EHBP1: variants seen among roughly 807,000 people sequenced by gnomAD.
The protein encoded by EHBP1 is EH domain-binding protein 1.
In EHBP1, 55 loss-of-function variants were observed where a neutral mutation model predicts 144.0. The ratio of observed to expected loss-of-function variants is 0.38; its 90% confidence interval spans 0.31 to 0.48. The LOEUF (loss-of-function observed/expected upper bound fraction) is 0.48. Ranked by LOEUF, EHBP1 falls within the 20% of genes least tolerant of loss-of-function variation. The pLI is 0.98. For missense variants in EHBP1, 1,200 were observed against 1,364.2 expected (o/e 0.88, Z 1.90); for synonymous variants, 469 against 472.7 (o/e 0.99, Z 0.10).
intron 10 of EHBP1, among the ~76,000 whole-genome samples, chr2:62,901,462 G>A (rs1231561941): frequency 6.6e-6 from 1 of 152,002 alleles, no homozygotes; most frequent in Non-Finnish European, 1.5e-5. Context: ...TTGGAATTGG[G>A]AACGTTTAAA....
chr2:62,804,169 C>T (rs1399683637), intron 5 of EHBP1, among the ~76,000 whole-genome samples: 1 of 152,120 alleles, frequency 6.6e-6, no homozygotes, highest in East Asian at 1.9e-4. Context: ...ACAATTTTAT[C>T]AGAGTATGGG....
intron 10 of EHBP1, among the ~76,000 whole-genome samples, chr2:62,912,188 A>G (rs576953867): frequency 6.6e-6 from 1 of 152,290 alleles, no homozygotes; most frequent in East Asian, 1.9e-4. Flanking sequence ...GAGTCACATT[A>G]AATCCTATGT....
Position 62,979,207 on chromosome 2 carries a change from G to T in EHBP1, c.2480G>T (p.Arg827Leu). 6.2e-7 allele frequency: 1 copy of T among 1,613,194 alleles called. No individual in the cohort carries two copies. The highest frequency in any genetic ancestry group is 1.3e-5 in the African/African-American group (1 of 75,004). ...TCTTAGCAGCAAGATGAAGAGCGAC[G>T]TCGGCAGCTGAGAGAGAGAGCTCGT... is the stretch of plus-strand genomic sequence containing the variant. ...QLSDQQDEER[R>L]RQLRERARQL... The change falls in exon 15 of 23, where the codon CGT becomes CTT. Residue 827 changes from arginine (R) to leucine (L), a missense_variant. This residue lies in a region of EHBP1 where 543 missense variants were observed against 513.1 expected (regional missense o/e 1.06). Transcript: ENST00000431489.
intron 14 of EHBP1, among the ~76,000 whole-genome samples, chr2:62,961,757 AT>A (rs1456269672): frequency 2.0e-5 from 3 of 152,196 alleles, no homozygotes; most frequent in Non-Finnish European, 4.4e-5. Context: ...TACAAATAGA[AT>A]TTTAAAAAGC....
chr2:62,828,207 C>T (rs889696070), intron 6 of EHBP1, among the ~76,000 whole-genome samples: 7 of 152,022 alleles, frequency 4.6e-5, no homozygotes, highest in Admixed American at 3.3e-4. Flanking sequence ...AAGATAACGG[C>T]GTATTAAGCA....
intron 2 of EHBP1, among the ~76,000 whole-genome samples, chr2:62,744,941 A>T (rs1188036518): frequency 6.6e-6 from 1 of 152,092 alleles, no homozygotes; most frequent in Admixed American, 6.6e-5. Flanking sequence ...AAAACTGCAC[A>T]CCAGACCAAT....
chr2:62,725,695 C>T (rs539110505), intron 2 of EHBP1, among the ~76,000 whole-genome samples: 2 of 152,250 alleles, frequency 1.3e-5, no homozygotes, highest in South Asian at 4.1e-4. Context: ...ATGGACTGCA[C>T]TTTGGAGGCA....
At chr2:62,770,818 C>A (rs757370708) in intron 4 of EHBP1, among the ~76,000 whole-genome samples, 6 of 152,136 alleles carry the variant, frequency 3.9e-5, no homozygotes, top group African/African-American at 1.4e-4. Flanking sequence ...GAATACTATG[C>A]GGCCATAAAA....
At chr2:62,792,257 G>C (rs1462589138) in intron 5 of EHBP1, among the ~76,000 whole-genome samples, 1 of 151,968 alleles carries the variant, frequency 6.6e-6, no homozygotes, top group Non-Finnish European at 1.5e-5. Flanking sequence ...ACAGAATGAT[G>C]GTACTATAAC....
At chr2:62,949,793 T>C (rs980751294) in intron 13 of EHBP1, among the ~76,000 whole-genome samples, 7 of 152,188 alleles carry the variant, frequency 4.6e-5, no homozygotes, top group Non-Finnish European at 2.9e-5. Context: ...GGTTTTAACC[T>C]TTCTCTTACT....
At chr2:62,780,571 A>G (rs543081464) in intron 5 of EHBP1, among the ~76,000 whole-genome samples, 214 of 152,202 alleles carry the variant, frequency 1.4e-3, no homozygotes, top group Non-Finnish European at 2.4e-3. Context: ...CATCTCCTTT[A>G]TTCTCAAATG....
At chr2:62,972,609 G>A (rs940719515) in intron 14 of EHBP1, among the ~76,000 whole-genome samples, 1 of 151,984 alleles carries the variant, frequency 6.6e-6, no homozygotes, top group Non-Finnish European at 1.5e-5. Flanking sequence ...TTCTCAGTTG[G>A]TTTTTTGTCT....
At chr2:62,929,042 T>C (rs1009357847) in intron 10 of EHBP1, among the ~76,000 whole-genome samples, 2 of 151,998 alleles carry the variant, frequency 1.3e-5, no homozygotes, top group Admixed American at 1.3e-4. Flanking sequence ...CATGTGGAAA[T>C]AGAAAATATG....
chr2:62,861,222 C>T (rs192163792), intron 8 of EHBP1, among the ~76,000 whole-genome samples: 60 of 148,360 alleles, frequency 4.0e-4, no homozygotes, highest in African/African-American at 1.3e-3. Context: ...GTCCAACTCT[C>T]GGGTTCAAGC....
chr2:62,713,690 C>T (rs1436169658), intron 2 of EHBP1, among the ~76,000 whole-genome samples: 1 of 152,156 alleles, frequency 6.6e-6, no homozygotes, highest in East Asian at 1.9e-4. Flanking sequence ...TTCTATGTTG[C>T]AAGTTATGTG....
chr2:63,015,447 A>G (rs2060446780), intron 19 of EHBP1, among the ~76,000 whole-genome samples: 1 of 152,216 alleles, frequency 6.6e-6, no homozygotes, highest in African/African-American at 2.4e-5. Flanking sequence ...TATGGGAATT[A>G]GGATTCGTGT....
At position 62,882,670 on chromosome 2, in the gene EHBP1, G is replaced by A. The variant is rs183117627; in HGVS notation, c.1185+8138G>A. Among the ~76,000 whole-genome samples, 1,309 of 152,238 alleles carry A rather than the reference G, an allele frequency of 8.6e-3. 6 individuals are homozygous for A. The highest frequency in any genetic ancestry group is 0.014 in the Non-Finnish European group (953 of 68,016). ...GGCCGAGGCAGGCAGATCACCTGAG[G>A]TCAGGAGTTTGAGACCAGCCTGACC... On this transcript the variant is annotated intron_variant, in intron 10 of 22. Transcript: ENST00000431489.
chr2:63,045,034 C>G lies in EHBP1; in HGVS notation c.3278-32C>G. ...GGGGGCCGGGTGTTCGGAGGCCCTG[C>G]CGGTGGGTAACTAGCCTCCCGTCTT... On this transcript the variant is annotated intron_variant, in intron 21 of 22. Coordinates refer to ENST00000431489, the MANE Select transcript of EHBP1 (RefSeq NM_001142616.3). The surrounding 1 kb of genome is among the most constrained non-coding windows in gnomAD (Gnocchi z 5.7). 4 of 1,503,374 alleles carry G rather than the reference C, an allele frequency of 2.7e-6. No individual in the cohort carries two copies. Among genetic ancestry groups the G allele is most frequent in the Non-Finnish European group, 3.6e-6 (4 of 1,105,232 alleles). The allele number at this position is 1,503,374 out of a possible 1,614,324, so 93.1% of individuals were successfully genotyped here. A position where few individuals can be genotyped will look rare whatever the true frequency, so the allele number is the denominator to read the frequency against.
intron 1 of EHBP1, among the ~76,000 whole-genome samples, chr2:62,680,506 G>T (rs990505705): frequency 1.3e-5 from 2 of 152,132 alleles, no homozygotes; most frequent in Admixed American, 6.5e-5. Flanking sequence ...CAGATTGAAG[G>T]GGGGAGGGGG....
Sources: gnomAD v4.1 joint callset for allele counts (sites outside exome capture counted in the v4.1 genomes callset) on GRCh38, gnomAD v4.1.1 for gene constraint, gnomAD v4.1.1 regional missense constraint, Gnocchi (gnomAD v3.1) non-coding constraint, MANE v1.5 for transcripts, NCBI Gene and HGNC (gene_info 2026-07-23, HGNC 2026-07-21) for gene names.